The following CDC73 variants were observed in gnomAD, a reference collection of about 807,000 sequenced individuals.
CDC73 encodes the protein parafibromin.
Under a neutral mutation model 83.7 loss-of-function variants are expected in CDC73, and 21 were observed. That is an observed-to-expected ratio of 0.25 (90% CI 0.18 to 0.36). The LOEUF (loss-of-function observed/expected upper bound fraction) is 0.36, where lower values mean the gene tolerates loss of function less well. CDC73 is among the 10% of genes least tolerant of loss of function. The probability of loss-of-function intolerance (pLI) is 1.00; values close to 1 mark genes in which losing one functional copy is unlikely to be tolerated. For synonymous variants in CDC73, 224 were observed against 212.9 expected (o/e 1.05, Z -0.45); for missense variants, 342 against 653.3 (o/e 0.52, Z 5.19).
intron 11 of CDC73, among the ~76,000 whole-genome samples, chr1:193,211,331 G>A (rs886405379): frequency 3.9e-5 from 6 of 152,304 alleles, no homozygotes; most frequent in East Asian, 3.9e-4. Flanking sequence ...AAAGTAGCAC[G>A]AATTTCTTTT....
At chr1:193,155,854 C>A (rs915660429) in intron 10 of CDC73, among the ~76,000 whole-genome samples, 2 of 152,076 alleles carry the variant, frequency 1.3e-5, no homozygotes, top group Non-Finnish European at 2.9e-5. Flanking sequence ...GTATGAGTAT[C>A]TAAATTGGAA....
chr1:193,147,729 A>C, intron 7 of CDC73, 138 bp from the exon 8 acceptor site: 1 of 662,114 alleles, frequency 1.5e-6, no homozygotes, highest in South Asian at 1.8e-5. Flanking sequence ...TGGTTTTTAC[A>C]TATGTGTATA....
intron 11 of CDC73, among the ~76,000 whole-genome samples, chr1:193,210,761 A>T (rs1445585762): frequency 6.6e-6 from 1 of 152,166 alleles, no homozygotes; most frequent in Admixed American, 6.5e-5. Context: ...TGTATGTATA[A>T]CATGATCACA....
intron 10 of CDC73, among the ~76,000 whole-genome samples, chr1:193,172,314 G>A (rs1340313614): frequency 6.7e-6 from 1 of 149,324 alleles, no homozygotes; most frequent in Non-Finnish European, 1.5e-5. Flanking sequence ...ATTTATAACA[G>A]CATATGATAA....
chr1:193,173,916 TTATTC>T (rs1368747978), intron 10 of CDC73, among the ~76,000 whole-genome samples: 1 of 152,160 alleles, frequency 6.6e-6, no homozygotes, highest in Non-Finnish European at 1.5e-5. Flanking sequence ...TGGGATATCT[TTATTC>T]TAATATGTTA....
chr1:193,233,319 C>T (rs1418368940), intron 14 of CDC73, among the ~76,000 whole-genome samples, 165 bp downstream of exon 14: 3 of 152,206 alleles, frequency 2.0e-5, no homozygotes, highest in Non-Finnish European at 4.4e-5. Context: ...CCTCAGGCTC[C>T]CAAATAGCTA....
intron 13 of CDC73, among the ~76,000 whole-genome samples, chr1:193,232,344 A>G (rs895869136): frequency 1.4e-4 from 21 of 152,340 alleles, no homozygotes; most frequent in Non-Finnish European, 2.8e-4. Context: ...TTCTAATAAA[A>G]TTCCTCTTTA....
intron 10 of CDC73, among the ~76,000 whole-genome samples, chr1:193,164,183 T>C (rs575801075): frequency 6.6e-6 from 1 of 152,338 alleles, no homozygotes; most frequent in East Asian, 1.9e-4. Context: ...CCATAGTACA[T>C]AGTAACTGGT....
chr1:193,131,449 G>C (rs2103118786), intron 3 of CDC73, among the ~76,000 whole-genome samples: 1 of 152,106 alleles, frequency 6.6e-6, no homozygotes, highest in South Asian at 2.1e-4. Context: ...TTCCTCACAG[G>C]TCCCCACTCT....
At chr1:193,186,716 G>C (rs139329072) in intron 10 of CDC73, 2 of 152,070 alleles carry the variant, frequency 1.3e-5, no homozygotes, top group African/African-American at 4.8e-5. Context: ...ACCTAAGGTA[G>C]GGAGAAGCTT....
At chr1:193,201,514 A>T (rs191567881) in intron 10 of CDC73, among the ~76,000 whole-genome samples, 5 of 152,302 alleles carry the variant, frequency 3.3e-5, no homozygotes, top group Admixed American at 3.3e-4. Context: ...TCTGTAAAAA[A>T]TAATCCCAGA....
chr1:193,161,554 TAC>T (rs1403793838), intron 10 of CDC73, among the ~76,000 whole-genome samples: 11 of 131,194 alleles, frequency 8.4e-5, no homozygotes, highest in African/African-American at 1.4e-4. Context: ...ACTTTATTTA[TAC>T]ACACGCATAT....
intron 3 of CDC73, 128 bp from the exon 4 acceptor site, chr1:193,135,263 C>A: frequency 1.3e-6 from 1 of 760,244 alleles, no homozygotes; most frequent in Admixed American, 2.3e-5. Context: ...TGCTTTAAAA[C>A]TGAATTTTTT....
intron 13 of CDC73, among the ~76,000 whole-genome samples, chr1:193,221,582 A>G (rs1259098662): frequency 1.3e-5 from 2 of 152,014 alleles, no homozygotes; most frequent in African/African-American, 2.4e-5. Context: ...TTCATTCTCC[A>G]CTCTCAAGAA....
At chr1:193,228,862 A>G (rs1235723580) in intron 13 of CDC73, among the ~76,000 whole-genome samples, 2 of 152,204 alleles carry the variant, frequency 1.3e-5, no homozygotes, top group Non-Finnish European at 1.5e-5. Flanking sequence ...ATGCTGGGAG[A>G]AAATCTTTTC....
At chr1:193,245,152 T>G (rs1677931042) in intron 15 of CDC73, among the ~76,000 whole-genome samples, 2 of 152,330 alleles carry the variant, frequency 1.3e-5, no homozygotes, top group Non-Finnish European at 2.9e-5. Context: ...TTGGGAATAG[T>G]CAGTTTCCTC....
chr1:193,216,830 A>G (rs936828324), intron 13 of CDC73, among the ~76,000 whole-genome samples: 1 of 152,200 alleles, frequency 6.6e-6, no homozygotes, highest in Non-Finnish European at 1.5e-5. Flanking sequence ...CATAAACAGA[A>G]CTAAAAAAAT....
At chr1:193,161,427 A>G (rs1676306732) in intron 10 of CDC73, among the ~76,000 whole-genome samples, 1 of 149,942 alleles carries the variant, frequency 6.7e-6, no homozygotes, top group African/African-American at 2.5e-5. Flanking sequence ...CAGATAACTC[A>G]CTGTTGAACT....
At chr1:193,170,126 C>T (rs1676495538) in intron 10 of CDC73, among the ~76,000 whole-genome samples, 1 of 152,072 alleles carries the variant, frequency 6.6e-6, no homozygotes, top group Non-Finnish European at 1.5e-5. Context: ...AGGATATGAT[C>T]TCATTCTTTT....
Sources: gnomAD v4.1 joint callset for allele counts (sites outside exome capture counted in the v4.1 genomes callset) on GRCh38, gnomAD v4.1.1 for gene constraint, MANE v1.5 for transcripts, NCBI Gene and HGNC (gene_info 2026-07-23, HGNC 2026-07-21) for gene names.